SMOC2: variants seen among roughly 807,000 people sequenced by gnomAD.
The protein encoded by SMOC2 is SPARC-related modular calcium-binding protein 2.
In SMOC2, 39 loss-of-function variants were observed where a neutral mutation model predicts 61.4. The ratio of observed to expected loss-of-function variants is 0.64; its 90% CI spans 0.49 to 0.83. The LOEUF is 0.83. SMOC2 is among the 40% of genes least tolerant of loss of function. The pLI is 0.00. For missense variants in SMOC2, 556 were observed against 592.9 expected (o/e 0.94, Z 0.65); for synonymous variants, 247 against 239.9 (o/e 1.03, Z -0.27).
Position 168,441,774 on chromosome 6 carries a change from G to A in SMOC2, c.84+320G>A, listed in dbSNP as rs1489179452. 3.9e-5 allele frequency among the ~76,000 whole-genome samples: 6 copies of A among 152,318 alleles called. No individual in the cohort carries two copies. The East Asian group carries it at 1.2e-3, about 30-fold the overall frequency. On this transcript the variant is annotated intron_variant, in intron 1 of 12. Coordinates refer to ENST00000356284, the MANE Select transcript of SMOC2 (RefSeq NM_001166412.2). ...TGACCCGGCTGTGAGAGGATCCTGG[G>A]GTCCTGCAGACCCCGGACAAGTGGG...
chr6:168,648,648 T>C (rs1787109298), intron 9 of SMOC2, among the ~76,000 whole-genome samples: 1 of 152,212 alleles, frequency 6.6e-6, no homozygotes, highest in African/African-American at 2.4e-5. Flanking sequence ...GCCGTGATGC[T>C]TTTTGCTATA....
At chr6:168,630,349 T>C (rs975904428) in intron 9 of SMOC2, among the ~76,000 whole-genome samples, 2 of 152,224 alleles carry the variant, frequency 1.3e-5, no homozygotes, top group Non-Finnish European at 1.5e-5. Context: ...TTTTATAATT[T>C]CTTATGCCTG....
At chr6:168,591,015 T>G (rs1785169261) in intron 7 of SMOC2, among the ~76,000 whole-genome samples, 1 of 152,248 alleles carries the variant, frequency 6.6e-6, no homozygotes, top group Non-Finnish European at 1.5e-5. Context: ...GGGAATCATG[T>G]TTCTATAAAA....
chr6:168,532,480 AT>A (rs376794244), intron 4 of SMOC2, among the ~76,000 whole-genome samples: 40 of 147,628 alleles, frequency 2.7e-4, no homozygotes, highest in Middle Eastern at 6.9e-3. Context: ...TGGGGGCAGG[AT>A]TAGAGGTTGA....
At chr6:168,450,662 G>A (rs1326409430) in intron 1 of SMOC2, among the ~76,000 whole-genome samples, 3 of 152,106 alleles carry the variant, frequency 2.0e-5, no homozygotes, top group African/African-American at 4.8e-5. Context: ...GAATGATCTC[G>A]GGCCCTGACA....
chr6:168,539,458 C>A (rs554685555), intron 4 of SMOC2, among the ~76,000 whole-genome samples: 10 of 152,336 alleles, frequency 6.6e-5, no homozygotes, highest in South Asian at 4.1e-4. Flanking sequence ...TTGGTCCGTT[C>A]ATAAGTGGGA....
intron 1 of SMOC2, among the ~76,000 whole-genome samples, chr6:168,445,841 C>T (rs997156163): frequency 2.0e-5 from 3 of 152,176 alleles, no homozygotes; most frequent in African/African-American, 7.2e-5. Context: ...GAAATCAAGA[C>T]CGTAAATAAC....
intron 9 of SMOC2, among the ~76,000 whole-genome samples, chr6:168,644,644 CTTTTTT>C (rs34203137): frequency 1.0e-4 from 10 of 99,488 alleles, no homozygotes; most frequent in African/African-American, 3.7e-4. Context: ...GAATGCCTTT[CTTTTTT>C]TTTTTTTTTT....
At chr6:168,596,035 CA>C (rs1284860937) in intron 7 of SMOC2, among the ~76,000 whole-genome samples, 8,443 of 131,564 alleles carry the variant, frequency 0.064, 1,682 homozygotes, top group East Asian at 0.11. Context: ...GAGGCATGAA[CA>C]AGCGCCACGT....
intron 2 of SMOC2, among the ~76,000 whole-genome samples, chr6:168,525,944 T>C (rs1783442706): frequency 6.6e-6 from 1 of 152,276 alleles, no homozygotes; most frequent in Admixed American, 6.5e-5. Flanking sequence ...GATCCTGGTG[T>C]GTTCAGGTGG....
At position 168,441,291 on chromosome 6, in the gene SMOC2, G is replaced by T; in HGVS notation, c.-80G>T. ...CCCCTCCACGCGCCCGCCCAGCCGC[G>T]CTCGCCCACTGGGCTCTCCCGGCTG... On this transcript the variant is annotated 5_prime_UTR_variant, in exon 1 of 13. Transcript: ENST00000356284. The T allele has an allele frequency of 1.4e-6, 2 of 1,429,984 alleles. No individual in the cohort carries two copies. The highest frequency in any genetic ancestry group is 2.9e-5 in the South Asian group (2 of 68,022). The allele number at this position is 1,429,984 out of a possible 1,614,324, so 88.6% of individuals were successfully genotyped here.
intron 4 of SMOC2, among the ~76,000 whole-genome samples, chr6:168,534,501 C>T (rs1479561961): frequency 6.6e-6 from 1 of 152,212 alleles, no homozygotes; most frequent in Non-Finnish European, 1.5e-5. Context: ...GGTGATGACT[C>T]CAGAGGCCCT....
intron 7 of SMOC2, among the ~76,000 whole-genome samples, chr6:168,592,229 T>C (rs11756532): frequency 0.2 from 28,817 of 145,672 alleles, 3,603 homozygotes; most frequent in South Asian, 0.26. Context: ...CACTCAGTTC[T>C]CTTTTTCCTG....
chr6:168,657,044 G>C (rs968798079), intron 11 of SMOC2, among the ~76,000 whole-genome samples: 1 of 152,122 alleles, frequency 6.6e-6, no homozygotes, highest in Non-Finnish European at 1.5e-5. Flanking sequence ...CCTCTAATAA[G>C]ACAAAAAAGA....
intron 4 of SMOC2, among the ~76,000 whole-genome samples, chr6:168,539,659 G>C (rs1783831801): frequency 6.6e-6 from 1 of 152,324 alleles, no homozygotes; most frequent in Non-Finnish European, 1.5e-5. Flanking sequence ...CTAACAGGTG[G>C]GGCTTGCAGG....
chr6:168,633,745 G>C (rs1300539092), intron 9 of SMOC2, among the ~76,000 whole-genome samples: 2 of 152,138 alleles, frequency 1.3e-5, no homozygotes, highest in Non-Finnish European at 2.9e-5. Context: ...GTCATTTTGG[G>C]TTTAAGTTGA....
In SMOC2 at chr6:168,591,984, G is replaced by C. The variant is rs376296852; in HGVS notation, c.638-6834G>C. Among the ~76,000 whole-genome samples the C allele has an allele frequency of 3.9e-5, 6 of 152,018 alleles. No individual in the cohort carries two copies. In the East Asian group the frequency reaches 9.6e-4, roughly 24 times the overall value. ...TTTGGAAGCGTAGCCTACTCCATCT[G>C]GAATCAAACATAACTTATAGTAATA... On this transcript the variant is annotated intron_variant, in intron 7 of 12. Transcript: ENST00000356284.
chr6:168,599,704 CCA>C (rs148257574), intron 8 of SMOC2, among the ~76,000 whole-genome samples: 3,944 of 141,902 alleles, frequency 0.028, 132 homozygotes, highest in Admixed American at 0.079. Flanking sequence ...ACACACACAC[CCA>C]CAGTCACACA....
At chr6:168,635,732 G>A (rs568898663) in intron 9 of SMOC2, among the ~76,000 whole-genome samples, 10 of 152,058 alleles carry the variant, frequency 6.6e-5, no homozygotes, top group African/African-American at 9.6e-5. Context: ...TTAGCCGGGC[G>A]TGGTGGCGGG....
Sources: allele counts gnomAD v4.1 joint callset (sites outside exome capture counted in the v4.1 genomes callset), GRCh38; gene constraint gnomAD v4.1.1; transcripts MANE v1.5; gene names NCBI Gene and HGNC (gene_info 2026-07-23, HGNC 2026-07-21).